ITGAL: variants seen among roughly 807,000 people sequenced by gnomAD.
The protein encoded by ITGAL is integrin alpha-L.
ITGAL carries 68 observed loss-of-function variants against 138.4 expected under a neutral mutation model. The observed-to-expected ratio is 0.49, with a 90% CI of 0.40 to 0.60. ITGAL has a LOEUF of 0.60. ITGAL is among the 20% of genes least tolerant of loss of function. ITGAL has a pLI of 0.00. For missense variants in ITGAL, 1,256 were observed against 1,478.6 expected (o/e 0.85, Z 2.47); for synonymous variants, 561 against 584.3 (o/e 0.96, Z 0.57).
At chr16:30,511,640 C>T (rs2051093058) in intron 24 of ITGAL, among the ~76,000 whole-genome samples, 1 of 152,226 alleles carries the variant, frequency 6.6e-6, no homozygotes, top group Non-Finnish European at 1.5e-5. Flanking sequence ...CTCCTGGGGG[C>T]CGATAATGCC....
chr16:30,499,225 C>T lies in ITGAL; in HGVS notation c.1984C>T (p.Gln662Ter), dbSNP rs2050848825. Residue 662 changes from glutamine to a stop codon, truncating the protein, a stop_gained, in exon 16 of 31, where the codon CAG (glutamine) becomes TAG (stop). Coordinates refer to ENST00000356798, the MANE Select transcript of ITGAL (RefSeq NM_002209.3). LOFTEE classifies it high-confidence loss of function. ...ICFQIKSLIPQFQGRLVANLT... is the reference protein window; with the variant it reads ...ICFQIKSLIP ...TTTCCAGATCAAGTCTCTCATCCCC[C>T]AGTTCCAAGGTCAGAGCTCTCCTCC... The T allele has an allele frequency of 6.2e-7, 1 of 1,614,022 alleles. No homozygotes were observed. The highest frequency in any genetic ancestry group is 1.3e-5 in the African/African-American group (1 of 74,938).
chr16:30,519,496 T>C (rs1268928543), intron 29 of ITGAL, among the ~76,000 whole-genome samples: 2 of 151,568 alleles, frequency 1.3e-5, no homozygotes, highest in Non-Finnish European at 2.9e-5. Flanking sequence ...GGGGCCTCTG[T>C]GGTGAGTGTT....
In ITGAL at chr16:30,479,313, T is replaced by C. The variant is rs751602426; in HGVS notation, c.446-18T>C. ...ACCAGAGATGCTTCACTGGGTCCCT[T>C]GCGTCTGGCTTCTGCAGAATGTATC... On this transcript the variant is annotated intron_variant, in intron 5 of 30. Transcript: ENST00000356798. 3.1e-6 allele frequency: 5 copies of C among 1,613,732 alleles called. No homozygotes were observed. In the African/African-American group the frequency reaches 6.7e-5, roughly 22 times the overall value.
intron 24 of ITGAL, among the ~76,000 whole-genome samples, chr16:30,512,782 C>T (rs138034751): frequency 0.015 from 2,216 of 152,030 alleles, 53 homozygotes; most frequent in African/African-American, 0.049. Flanking sequence ...CTCACTGCAA[C>T]CTCCTCCTCC....
At chr16:30,491,676 G>C (rs1250180732) in intron 11 of ITGAL, among the ~76,000 whole-genome samples, 1 of 151,618 alleles carries the variant, frequency 6.6e-6, no homozygotes, top group African/African-American at 2.4e-5. Context: ...TGTCACCTAG[G>C]CTGGAGTGCA....
chr16:30,516,876 A>G lies in ITGAL; in HGVS notation c.2863-97A>G, dbSNP rs953167944. On this transcript the variant is annotated intron_variant, in intron 25 of 30. Coordinates refer to ENST00000356798, the MANE Select transcript of ITGAL (RefSeq NM_002209.3). Reference sequence around the variant, plus strand: ...GACAAGGGCCCTGGGGACTCAGCCAATGAGGACTGGAAGAGGCGTGCAAGG... The same window carrying G: ...GACAAGGGCCCTGGGGACTCAGCCAGTGAGGACTGGAAGAGGCGTGCAAGG... 13 of 851,856 alleles carry G rather than the reference A, an allele frequency of 1.5e-5. No individual in the cohort carries two copies. The Admixed American group carries it at 1.6e-4, about 10-fold the overall frequency. The allele number at this position is 851,856 out of a possible 1,614,324, so 52.8% of individuals were successfully genotyped here.
chr16:30,496,209 T>C lies in ITGAL; in HGVS notation c.1616T>C (p.Val539Ala), dbSNP rs1348092484. Residue 539 changes from valine to alanine, a missense_variant, in exon 14 of 31, where the codon GTG (valine) becomes GCG (alanine). Around this residue, in one of 3 missense-constraint regions of ITGAL, gnomAD observed 867 missense variants for 972.5 expected, o/e 0.89. Transcript: ENST00000356798. ...ATCAACGGCGATGGGCTGGTAGACG[T>C]GGCTGTGGGGGCCCCTCTGGAGGAG... is the stretch of plus-strand genomic sequence containing the variant. ...TDINGDGLVDVAVGAPLEEQG... is the reference protein window; with the variant it reads ...TDINGDGLVDAAVGAPLEEQG... 13 of 1,613,846 alleles carry C rather than the reference T, an allele frequency of 8.1e-6. No individual in the cohort carries two copies. Among genetic ancestry groups the C allele is most frequent in the Non-Finnish European group, 1.0e-5 (12 of 1,179,884 alleles).
At chr16:30,498,122 C>G (rs2050830396) in intron 15 of ITGAL, among the ~76,000 whole-genome samples, 1 of 151,648 alleles carries the variant, frequency 6.6e-6, no homozygotes, top group South Asian at 2.1e-4. Context: ...GTCAGGAGTT[C>G]AAGACCAGCC....
Position 30,483,934 on chromosome 16 carries a change from A to G in ITGAL, c.830A>G (p.Lys277Arg), listed in dbSNP as rs746119391. Residue 277 changes from lysine (K) to arginine (R), a missense_variant, in exon 8 of 31, where the codon AAA (lysine) becomes AGA (arginine). This residue lies in a region of ITGAL where 177 missense variants were observed against 288.8 expected (regional missense o/e 0.61). Coordinates refer to ENST00000356798, the MANE Select transcript of ITGAL (RefSeq NM_002209.3). ...ATDSGNIDAA[K>R]DIIRYIIGIG... is the part of the protein sequence containing the mutation. ...GACAGTGGCAACATCGATGCGGCCA[A>G]AGACATCATCCGCTACATCATCGGG... 6.2e-7 allele frequency: 1 copy of G among 1,613,898 alleles called. No individual in the cohort carries two copies.
In ITGAL at chr16:30,496,135, C is replaced by T. The variant is rs149654067; in HGVS notation, c.1542C>T (p.Pro514=). 42 of 1,613,876 alleles carry T rather than the reference C, an allele frequency of 2.6e-5. No individual in the cohort carries two copies. Among genetic ancestry groups the T allele is most frequent in the African/African-American group, 2.1e-4 (16 of 74,898 alleles). Residue 514 remains proline, a synonymous_variant, in exon 14 of 31, where the codon CCC becomes CCT. Coordinates refer to ENST00000356798, the MANE Select transcript of ITGAL (RefSeq NM_002209.3). The stretch of plus-strand genomic sequence containing the variant: ...AAGTCTCAGAGCTGCAGGGGGACCC[C>T]GGCTACCCACTCGGGCGGTTTGGAG... ...FEEVSELQGD[P]GYPLGRFGEA...
At chr16:30,482,474 G>A (rs905379066) in intron 7 of ITGAL, among the ~76,000 whole-genome samples, 1 of 152,058 alleles carries the variant, frequency 6.6e-6, no homozygotes, top group African/African-American at 2.4e-5. Flanking sequence ...GTTTTGAGTA[G>A]AGGAGTGATG....
At chr16:30,478,103 G>A (rs1325717137) in intron 4 of ITGAL, among the ~76,000 whole-genome samples, 2 of 151,872 alleles carry the variant, frequency 1.3e-5, no homozygotes, top group African/African-American at 4.8e-5. Context: ...TTGGGAGGCC[G>A]AGGTGGGCAG....
chr16:30,495,000 G>A lies in ITGAL; in HGVS notation c.1503+150G>A. The A allele has an allele frequency of 1.3e-6, 1 of 780,282 alleles. No homozygotes were observed. Among genetic ancestry groups the A allele is most frequent in the Non-Finnish European group, 2.0e-6 (1 of 500,098 alleles). 48.3% of individuals were successfully genotyped at this position (780,282 alleles called of 1,614,324 possible). ...CAATAGCAAATCCTCACTGGGGAAA[G>A]ACTGTATGCAGGGTCCAGTGCCAAT... On this transcript the variant is annotated intron_variant, in intron 13 of 30. Coordinates refer to ENST00000356798, the MANE Select transcript of ITGAL (RefSeq NM_002209.3). The surrounding 1 kb of genome is among the most constrained non-coding windows in gnomAD (Gnocchi z 4.2).
In ITGAL at chr16:30,521,589, G is replaced by A. The variant is rs1567494976; in HGVS notation, c.3437G>A (p.Gly1146Glu). 1.2e-6 allele frequency: 2 copies of A among 1,614,040 alleles called. No homozygotes were observed. Among genetic ancestry groups the A allele is most frequent in the African/African-American group, 1.3e-5 (1 of 74,920 alleles). Reference sequence around the variant, plus strand: ...GAAGACTCTGAGCAGCTGGCATCTGGGCAAGAGGCTGGGGATCCCGGCTGC... The same window carrying A: ...GAAGACTCTGAGCAGCTGGCATCTGAGCAAGAGGCTGGGGATCCCGGCTGC... ...PAEDSEQLAS[G>E]QEAGDPGCLK... Residue 1146 changes from glycine to glutamate, a missense_variant, in exon 31 of 31, where the codon GGG becomes GAG. Physicochemically the swap from Gly to Glu is moderately conservative, Grantham distance 98 (BLOSUM62 -2). Transcript: ENST00000356798.
intron 29 of ITGAL, among the ~76,000 whole-genome samples, chr16:30,519,252 G>T: frequency 6.6e-6 from 1 of 151,986 alleles, no homozygotes; most frequent in Non-Finnish European, 1.5e-5. Context: ...AGGCGTGGTG[G>T]TTCACGCCTG....
chr16:30,474,262 G>T lies in ITGAL; in HGVS notation c.128G>T (p.Arg43Met). The change falls in exon 2 of 31, where the codon AGG becomes ATG. Residue 43 changes from arginine to methionine, a missense_variant. Arg to Met is a moderately conservative substitution (Grantham distance 91). Transcript: ENST00000356798. ...ARSFSPPRAG[R>M]HFGYRVLQVG... ...AGCTTCTCCCCACCGCGCGCCGGGA[G>T]GCACTTTGGATACCGCGTCCTGCAG... is the stretch of plus-strand genomic sequence containing the variant. 1 of 1,609,984 alleles carries T rather than the reference G, an allele frequency of 6.2e-7. No individual in the cohort carries two copies. The highest frequency in any genetic ancestry group is 8.5e-7 in the Non-Finnish European group (1 of 1,178,318).
intron 17 of ITGAL, among the ~76,000 whole-genome samples, chr16:30,499,733 A>ACGTATATATATATATATATATATATTTTT (rs2050862772): frequency 6.8e-5 from 6 of 88,386 alleles, no homozygotes; most frequent in South Asian, 7.1e-4. Flanking sequence ...ATATATATAT[A>ACGTATATATATATATATATATATATTTTT]TTTTTTTTTT....
chr16:30,474,346 G>A, intron 2 of ITGAL, 48 bp downstream of exon 2: 1 of 1,375,278 alleles, frequency 7.3e-7, no homozygotes, highest in Non-Finnish European at 1.0e-6. Context: ...CCCTGGGGCA[G>A]CCCCCGAGGC....
At chr16:30,473,495 T>C (rs566928986) in intron 1 of ITGAL, among the ~76,000 whole-genome samples, 8 of 152,252 alleles carry the variant, frequency 5.3e-5, no homozygotes, top group African/African-American at 1.9e-4. Flanking sequence ...AGGAGGGTGC[T>C]GGGTTCTGGG....
Sources: gnomAD v4.1 joint callset for allele counts (sites outside exome capture counted in the v4.1 genomes callset) on GRCh38, gnomAD v4.1.1 for gene constraint, gnomAD v4.1.1 regional missense constraint, Gnocchi (gnomAD v3.1) non-coding constraint, MANE v1.5 for transcripts, NCBI Gene and HGNC (gene_info 2026-07-23, HGNC 2026-07-21) for gene names.